NFAT5: variants seen among roughly 807,000 people sequenced by gnomAD.
NFAT5 encodes nuclear factor of activated T cells 5.
Under a neutral mutation model 166.5 loss-of-function variants are expected in NFAT5, and 31 were observed. The ratio of observed to expected loss-of-function variants is 0.19; its 90% CI spans 0.14 to 0.25. The LOEUF (loss-of-function observed/expected upper bound fraction) is 0.25. Ranked by LOEUF, NFAT5 falls within the 10% of genes least tolerant of loss-of-function variation. The pLI, the probability that NFAT5 is intolerant of heterozygous loss-of-function variation, is 1.00. For synonymous variants in NFAT5, 612 were observed against 639.7 expected, an observed-to-expected ratio of 0.96 and a Z score of 0.65; for missense variants, 1,449 against 1,821.8, an observed-to-expected ratio of 0.80 and a Z score of 3.72.
intron 3 of NFAT5, chr16:69,632,661 A>G (rs888975416): frequency 2.0e-5 from 3 of 152,194 alleles, no homozygotes; most frequent in Admixed American, 2.0e-4. Context: ...TGAGTTGACT[A>G]AATTTGAGGA....
Position 69,691,929 on chromosome 16 carries a change from T to C in NFAT5, c.2104T>C (p.Ser702Pro). Reference protein sequence around the residue: ...TLTTIQTQDISQPGTFPAVSA... With the variant: ...TLTTIQTQDIPQPGTFPAVSA... ...GACAACTATTCAAACCCAGGACATC[T>C]CACAGCCTGGTACTTTTCCAGCAGT... is the stretch of plus-strand genomic sequence containing the variant. The change falls in exon 13 of 15, where the codon TCA becomes CCA. Residue 702 changes from serine (S) to proline (P), a missense_variant. Physicochemically the swap from Ser to Pro is moderately conservative, Grantham distance 74 (BLOSUM62 -1). Coordinates refer to ENST00000349945, the MANE Select transcript of NFAT5 (RefSeq NM_138713.4). 10 of 1,614,084 alleles carry C rather than the reference T, an allele frequency of 6.2e-6. No individual in the cohort carries two copies. The highest frequency in any genetic ancestry group is 8.5e-6 in the Non-Finnish European group (10 of 1,180,018).
chr16:69,689,373 A>G (rs1171381265), intron 11 of NFAT5, among the ~76,000 whole-genome samples: 1 of 152,246 alleles, frequency 6.6e-6, no homozygotes, highest in Non-Finnish European at 1.5e-5. Flanking sequence ...TAAATGATTC[A>G]TTTCTCAAAC....
chr16:69,630,504 C>A (rs1334704260), intron 3 of NFAT5, among the ~76,000 whole-genome samples: 4 of 151,990 alleles, frequency 2.6e-5, no homozygotes, highest in Non-Finnish European at 5.9e-5. Context: ...TGTTTTTGTC[C>A]CAGTGGAAAG....
chr16:69,690,786 GAT>G, intron 11 of NFAT5, 152 bp from the exon 12 acceptor site: 1 of 507,242 alleles, frequency 2.0e-6, no homozygotes, highest in Non-Finnish European at 3.3e-6. Context: ...TAAAAGGGAA[GAT>G]ATATCTTAAT....
At position 69,670,060 on chromosome 16, in the gene NFAT5, G is replaced by A; in HGVS notation, c.1453G>A (p.Gly485Ser). ...VKGEEEVFLI[G>S]KNFLKGTKVI... ...AGGAGAAGAAGAAGTGTTTTTAATCGGCAAGAACTTTCTGAAAGGAACTAA... is the reference window on the plus strand; with the variant it reads ...AGGAGAAGAAGAAGTGTTTTTAATCAGCAAGAACTTTCTGAAAGGAACTAA... The change falls in exon 8 of 15, where the codon GGC becomes AGC. Residue 485 changes from glycine to serine, a missense_variant. Physicochemically the swap from Gly to Ser is moderately conservative, Grantham distance 56 (BLOSUM62 0). Transcript: ENST00000349945. 1.2e-6 allele frequency: 2 copies of A among 1,612,736 alleles called. No homozygotes were observed. Among genetic ancestry groups the A allele is most frequent in the Non-Finnish European group, 1.7e-6 (2 of 1,179,566 alleles).
intron 5 of NFAT5, among the ~76,000 whole-genome samples, chr16:69,653,931 G>C (rs914395695): frequency 6.6e-6 from 1 of 152,022 alleles, no homozygotes; most frequent in African/African-American, 2.4e-5. Flanking sequence ...ATTGGACTGA[G>C]AAAAGACTTG....
intron 6 of NFAT5, among the ~76,000 whole-genome samples, chr16:69,658,808 C>A (rs2036001780): frequency 6.6e-6 from 1 of 151,918 alleles, no homozygotes; most frequent in Non-Finnish European, 1.5e-5. Flanking sequence ...GCCTGGGTGA[C>A]AGAGCGAGAC....
intron 3 of NFAT5, chr16:69,646,496 T>G (rs2035445387): frequency 8.6e-7 from 1 of 1,160,124 alleles, no homozygotes; most frequent in Non-Finnish European, 1.1e-6. Flanking sequence ...TCTCATTTAT[T>G]TTCTCATATT....
chr16:69,674,703 A>C (rs574350634), intron 9 of NFAT5, among the ~76,000 whole-genome samples: 2 of 152,300 alleles, frequency 1.3e-5, no homozygotes, highest in South Asian at 4.1e-4. Flanking sequence ...AGATATTCTA[A>C]TTATGTAGGT....
chr16:69,643,943 A>G (rs2035326461), intron 3 of NFAT5, among the ~76,000 whole-genome samples: 2 of 152,176 alleles, frequency 1.3e-5, no homozygotes, highest in African/African-American at 4.8e-5. Context: ...TTTTGATGTG[A>G]AAGATTTTAT....
At chr16:69,658,854 A>T (rs1396528322) in intron 6 of NFAT5, among the ~76,000 whole-genome samples, 1 of 152,130 alleles carries the variant, frequency 6.6e-6, no homozygotes, top group Non-Finnish European at 1.5e-5. Context: ...ATATAAATAA[A>T]AAACAACTTC....
At chr16:69,621,479 G>T (rs1477438649) in intron 2 of NFAT5, among the ~76,000 whole-genome samples, 1 of 151,972 alleles carries the variant, frequency 6.6e-6, no homozygotes, top group Non-Finnish European at 1.5e-5. Context: ...GTTTTCTAAG[G>T]AAGTCTTTCC....
intron 9 of NFAT5, among the ~76,000 whole-genome samples, chr16:69,676,638 T>C (rs888700631): frequency 3.9e-5 from 6 of 152,268 alleles, no homozygotes; most frequent in African/African-American, 1.4e-4. Flanking sequence ...ATTCTTATGT[T>C]TGGAGAAAGA....
chr16:69,601,129 A>G (rs1403345385), intron 2 of NFAT5, among the ~76,000 whole-genome samples: 1 of 151,316 alleles, frequency 6.6e-6, no homozygotes, highest in South Asian at 2.1e-4. Context: ...GCACTTAAAC[A>G]TTTTTTTTTA....
At chr16:69,656,285 A>G (rs1212968946) in intron 6 of NFAT5, among the ~76,000 whole-genome samples, 2 of 149,940 alleles carry the variant, frequency 1.3e-5, no homozygotes, top group African/African-American at 2.4e-5. Context: ...TGTCTCACAA[A>G]AAAAAAAAAA....
At position 69,653,425 on chromosome 16, in the gene NFAT5, A is replaced by G; in HGVS notation, c.1002A>G (p.Val334=). ...GAACACAGCAAGGCTTTCCTACAGTAAAGGTATTTACTTTATTTATCATTT... is the reference window on the plus strand; with the variant it reads ...GAACACAGCAAGGCTTTCCTACAGTGAAGGTATTTACTTTATTTATCATTT... ...KDRTQQGFPT[V]KLEGHNEPVV... Residue 334 remains valine (V), a synonymous_variant, in exon 5 of 15, where the codon GTA becomes GTG. Coordinates refer to ENST00000349945, the MANE Select transcript of NFAT5 (RefSeq NM_138713.4). 1 of 1,550,246 alleles carries G rather than the reference A, an allele frequency of 6.5e-7. No individual in the cohort carries two copies. Among genetic ancestry groups the G allele is most frequent in the Non-Finnish European group, 8.7e-7 (1 of 1,153,928 alleles).
chr16:69,686,958 G>C (rs530308880), intron 11 of NFAT5, among the ~76,000 whole-genome samples: 1 of 152,294 alleles, frequency 6.6e-6, no homozygotes, highest in East Asian at 1.9e-4. Flanking sequence ...ACACCAGCTT[G>C]ATGTTCTTAG....
rs557716776 is a variant in NFAT5 at position 69,677,027 on chromosome 16, C to G, written c.1558-176C>G. On this transcript the variant is annotated intron_variant, in intron 9 of 14. Transcript: ENST00000349945. ...CCATTATAAAACACTTGGATTTTAC[C>G]TTAAAAGCAGTGTTAAGATTAATAT... The G allele has an allele frequency of 4.3e-4, 245 of 569,170 alleles. 3 individuals are homozygous for G. Among genetic ancestry groups the G allele is most frequent in the Non-Finnish European group, 5.4e-4 (185 of 341,742 alleles). 35.3% of individuals were successfully genotyped at this position (569,170 alleles called of 1,614,324 possible). A position where few individuals can be genotyped will look rare whatever the true frequency, so the allele number is the denominator to read the frequency against.
At chr16:69,616,542 G>T (rs1205317692) in intron 2 of NFAT5, among the ~76,000 whole-genome samples, 1 of 151,862 alleles carries the variant, frequency 6.6e-6, no homozygotes. Flanking sequence ...CGTTCTGTTT[G>T]GGTTCCCACC....
Sources: gnomAD v4.1 joint callset for allele counts (sites outside exome capture counted in the v4.1 genomes callset) on GRCh38, gnomAD v4.1.1 for gene constraint, MANE v1.5 for transcripts, NCBI Gene and HGNC (gene_info 2026-07-23, HGNC 2026-07-21) for gene names.